COL4A2: variants seen among roughly 807,000 people sequenced by gnomAD.
COL4A2 encodes the protein collagen type IV alpha 2 chain.
In COL4A2, 99 loss-of-function variants were observed where a neutral mutation model predicts 200.2. The observed-to-expected ratio is 0.49, with a 90% CI of 0.42 to 0.58. The LOEUF is 0.58. Ranked by LOEUF, COL4A2 falls within the 20% of genes least tolerant of loss-of-function variation. The probability of loss-of-function intolerance (pLI) is 0.00; values close to 1 mark genes in which losing one functional copy is unlikely to be tolerated. For synonymous variants in COL4A2, 897 were observed against 900.6 expected, an observed-to-expected ratio of 1.00 and a Z score of 0.07; for missense variants, 1,950 against 2,314.1, an observed-to-expected ratio of 0.84 and a Z score of 3.23.
chr13:110,449,596 A>C, intron 18 of COL4A2, 83 bp from the exon 19 acceptor site: 1 of 1,301,202 alleles, frequency 7.7e-7, no homozygotes, highest in Non-Finnish European at 1.0e-6. Flanking sequence ...TTTGGTAAAT[A>C]TGTAGTCAAT....
chr13:110,512,514 A>G lies in COL4A2; in HGVS notation c.*323A>G. On this transcript the variant is annotated 3_prime_UTR_variant, in exon 48 of 48. Transcript: ENST00000360467. ...CACTGCACTTTCCAATGCCACAGACAACTCACATTGTTCAACTCCCTTCTC... is the reference window on the plus strand; with the variant it reads ...CACTGCACTTTCCAATGCCACAGACGACTCACATTGTTCAACTCCCTTCTC... 1 of 338,172 alleles carries G rather than the reference A, an allele frequency of 3.0e-6. No individual in the cohort carries two copies. Among genetic ancestry groups the G allele is most frequent in the Non-Finnish European group, 5.4e-6 (1 of 185,432 alleles). The allele number at this position is 338,172 out of a possible 1,614,324, so 20.9% of individuals were successfully genotyped here. A position where few individuals can be genotyped will look rare whatever the true frequency, so the allele number is the denominator to read the frequency against.
chr13:110,456,768 G>C, intron 20 of COL4A2: 1 of 476,442 alleles, frequency 2.1e-6, no homozygotes, highest in Non-Finnish European at 4.3e-6. Context: ...CCTTGATGCT[G>C]GTGCCTCACA....
intron 4 of COL4A2, among the ~76,000 whole-genome samples, chr13:110,387,470 T>C (rs887116786): frequency 6.6e-6 from 1 of 152,094 alleles, no homozygotes. Flanking sequence ...GATTCTGAAA[T>C]GTGTAGGGAC....
rs562322270 is a variant in COL4A2 at position 110,314,243 on chromosome 13, C to T, written c.99+6120C>T. On this transcript the variant is annotated intron_variant, in intron 3 of 47. Coordinates refer to ENST00000360467, the MANE Select transcript of COL4A2 (RefSeq NM_001846.4). Reference sequence around the variant, plus strand: ...GACTCTCTGTACTATCTCTGCAACTCTTCTGCAAATCTCAATTGCTTCAGA... The same window carrying T: ...GACTCTCTGTACTATCTCTGCAACTTTTCTGCAAATCTCAATTGCTTCAGA... 9.1e-4 allele frequency among the ~76,000 whole-genome samples: 139 copies of T among 152,340 alleles called. 1 individual carries two copies. The highest frequency in any genetic ancestry group is 3.3e-3 in the African/African-American group (138 of 41,586).
At chr13:110,316,888 A>G (rs1885143343) in intron 3 of COL4A2, among the ~76,000 whole-genome samples, 1 of 152,206 alleles carries the variant, frequency 6.6e-6, no homozygotes, top group Admixed American at 6.5e-5. Flanking sequence ...TACATGTAAA[A>G]CATAGATATG....
At chr13:110,427,723 C>T (rs1160796976) in intron 6 of COL4A2, among the ~76,000 whole-genome samples, 2 of 152,172 alleles carry the variant, frequency 1.3e-5, no homozygotes, top group Non-Finnish European at 2.9e-5. Context: ...GTGAAGATGC[C>T]CACAAATTTA....
Position 110,493,432 on chromosome 13 carries a change from C to T in COL4A2, c.3634+150C>T, listed in dbSNP as rs9559826. 71,678 of 735,544 alleles carry T rather than the reference C, an allele frequency of 0.097. 3,739 individuals are homozygous for T. The highest frequency in any genetic ancestry group is 0.13 in the East Asian group (4,939 of 37,046). 45.6% of individuals were successfully genotyped at this position (735,544 alleles called of 1,614,324 possible). A position where few individuals can be genotyped will look rare whatever the true frequency, so the allele number is the denominator to read the frequency against. On this transcript the variant is annotated intron_variant, in intron 39 of 47. Transcript: ENST00000360467. ...GTGCTATGCGATCGGCCGTGAGGGG[C>T]GGGTCCGGGCCCTGTGGTCCTGTAC...
chr13:110,335,673 C>T (rs186129714), intron 3 of COL4A2, among the ~76,000 whole-genome samples: 13 of 152,322 alleles, frequency 8.5e-5, no homozygotes, highest in African/African-American at 2.6e-4. Context: ...CCCTGATGTC[C>T]ACTCTGGCTG....
chr13:110,490,161 G>T (rs1042845130), intron 36 of COL4A2, among the ~76,000 whole-genome samples: 1 of 152,170 alleles, frequency 6.6e-6, no homozygotes, highest in Non-Finnish European at 1.5e-5. Flanking sequence ...AACAGCGAAG[G>T]GTCCAGGAAA....
chr13:110,458,015 G>C (rs1186351321), intron 21 of COL4A2: 1 of 424,916 alleles, frequency 2.4e-6, no homozygotes, highest in African/African-American at 2.0e-5. Flanking sequence ...GGCTCTGTGG[G>C]CCCTGGTGTG....
Position 110,459,696 on chromosome 13 carries a change from A to G in COL4A2, c.1596+762A>G, listed in dbSNP as rs527573897. 3.9e-5 allele frequency: 6 copies of G among 152,344 alleles called. No individual in the cohort carries two copies. In the South Asian group the frequency reaches 1.2e-3, roughly 32 times the overall value. 9.4% of individuals were successfully genotyped at this position (152,344 alleles called of 1,614,324 possible). ...CTTGTGAAAATACTAAAAATCACTG[A>G]ATTTTATGCTTTAAAACAGTGAACT... is the stretch of plus-strand genomic sequence containing the variant. On this transcript the variant is annotated intron_variant, in intron 22 of 47. Transcript: ENST00000360467.
chr13:110,324,796 G>A (rs923798071), intron 3 of COL4A2, among the ~76,000 whole-genome samples: 2 of 152,168 alleles, frequency 1.3e-5, no homozygotes, highest in African/African-American at 2.4e-5. Flanking sequence ...GGGGCCTCCC[G>A]GCCCCTGGAA....
At chr13:110,324,076 A>G (rs1008157878) in intron 3 of COL4A2, among the ~76,000 whole-genome samples, 2 of 152,188 alleles carry the variant, frequency 1.3e-5, no homozygotes, top group Non-Finnish European at 2.9e-5. Flanking sequence ...ACTGCAAGAC[A>G]GAGTGCCAAA....
chr13:110,330,143 G>C (rs1229547096), intron 3 of COL4A2, among the ~76,000 whole-genome samples: 1 of 152,106 alleles, frequency 6.6e-6, no homozygotes, highest in Non-Finnish European at 1.5e-5. Context: ...GGCTTTCCAC[G>C]GCCCCTTTAA....
intron 4 of COL4A2, 120 bp downstream of exon 4, chr13:110,357,672 T>C: frequency 2.1e-6 from 3 of 1,409,604 alleles, no homozygotes; most frequent in Non-Finnish European, 2.9e-6. Flanking sequence ...TTGAACATAC[T>C]GGAGAGTACT....
Position 110,449,802 on chromosome 13 carries a change from C to G in COL4A2, c.1189+13C>G. 6.5e-7 allele frequency: 1 copy of G among 1,546,094 alleles called. No individual in the cohort carries two copies. The highest frequency in any genetic ancestry group is 8.7e-7 in the Non-Finnish European group (1 of 1,146,124). ...ATCGGAGATGGAGGTAATGTGGCTT[C>G]ATAATATCAACACCGGAGACCCAAA... On this transcript the variant is annotated intron_variant, in intron 19 of 47. Transcript: ENST00000360467.
chr13:110,496,855 A>T (rs1056260120), intron 40 of COL4A2, among the ~76,000 whole-genome samples: 1 of 150,216 alleles, frequency 6.7e-6, no homozygotes, highest in Admixed American at 6.6e-5. Context: ...GTCAGGGGTG[A>T]GGATCTAGGG....
At position 110,506,409 on chromosome 13, in the gene COL4A2, C is replaced by T. The variant is rs1209088171; in HGVS notation, c.4403-6C>T. Reference sequence around the variant, plus strand: ...CCGTCCACTCTCTCTCTTTCTCGGGCTGCAGGTGCACCAGGCCGTCCAGGG... The same window carrying T: ...CCGTCCACTCTCTCTCTTTCTCGGGTTGCAGGTGCACCAGGCCGTCCAGGG... On this transcript the variant is annotated splice_region_variant and splice_polypyrimidine_tract_variant and intron_variant, in intron 45 of 47. Coordinates refer to ENST00000360467, the MANE Select transcript of COL4A2 (RefSeq NM_001846.4). 2 of 1,606,630 alleles carry T rather than the reference C, an allele frequency of 1.2e-6. No individual in the cohort carries two copies. The highest frequency in any genetic ancestry group is 4.5e-5 in the East Asian group (2 of 44,690).
chr13:110,312,052 T>G (rs1884999393), intron 3 of COL4A2, among the ~76,000 whole-genome samples: 1 of 152,176 alleles, frequency 6.6e-6, no homozygotes, highest in South Asian at 2.1e-4. Flanking sequence ...TCTGTAAGGA[T>G]CGGGAAGGAC....
Sources: gnomAD v4.1 joint callset for allele counts (sites outside exome capture counted in the v4.1 genomes callset) on GRCh38, gnomAD v4.1.1 for gene constraint, MANE v1.5 for transcripts, NCBI Gene and HGNC (gene_info 2026-07-23, HGNC 2026-07-21) for gene names.